TSHZ1: variants seen among roughly 807,000 people sequenced by gnomAD.
TSHZ1 encodes the protein teashirt homolog 1.
Under a neutral mutation model 67.1 loss-of-function variants are expected in TSHZ1, and 12 were observed. The ratio of observed to expected loss-of-function variants is 0.18; its 90% CI spans 0.11 to 0.29. The LOEUF (loss-of-function observed/expected upper bound fraction) is 0.29, where lower values mean the gene tolerates loss of function less well. TSHZ1 is among the 10% of genes least tolerant of loss of function. The pLI is 1.00. For missense variants in TSHZ1, 1,305 were observed against 1,413.9 expected (o/e 0.92, Z 1.23); for synonymous variants, 632 against 622.4 (o/e 1.02, Z -0.23).
Position 75,211,929 on chromosome 18 carries a change from C to T in TSHZ1, c.40+13C>T. On this transcript the variant is annotated intron_variant, in intron 1 of 1. Transcript: ENST00000580243. ...CGGCGCTCGGCAGGTAACGGGCGCG[C>T]GGCCCGCGCCGCGGGGAGTGGGCGC... 1 of 1,202,716 alleles carries T rather than the reference C, an allele frequency of 8.3e-7. No individual in the cohort carries two copies. The highest frequency in any genetic ancestry group is 1.0e-6 in the Non-Finnish European group (1 of 969,418). 74.5% of individuals were successfully genotyped at this position (1,202,716 alleles called of 1,614,324 possible).
At position 75,289,747 on chromosome 18, in the gene TSHZ1, C is replaced by A. The variant is rs1403869645; in HGVS notation, c.*1106C>A. On this transcript the variant is annotated 3_prime_UTR_variant, in exon 2 of 2. Coordinates refer to ENST00000580243, the MANE Select transcript of TSHZ1 (RefSeq NM_001308210.2). Reference sequence around the variant, plus strand: ...GATTTAAATAGAGGACTTTTACTGGCACCTGCATCTCTCCAGATGCATGTA... The same window carrying A: ...GATTTAAATAGAGGACTTTTACTGGAACCTGCATCTCTCCAGATGCATGTA... 1 of 167,052 alleles carries A rather than the reference C, an allele frequency of 6.0e-6. No homozygotes were observed. Among genetic ancestry groups the A allele is most frequent in the Non-Finnish European group, 1.5e-5 (1 of 68,116 alleles). 10.3% of individuals were successfully genotyped at this position (167,052 alleles called of 1,614,324 possible).
intron 1 of TSHZ1, among the ~76,000 whole-genome samples, chr18:75,217,509 T>C (rs868441945): frequency 2.6e-5 from 4 of 152,248 alleles, no homozygotes; most frequent in Admixed American, 1.3e-4. Context: ...GTAAAGACTG[T>C]ACTTTGGAGG....
chr18:75,279,598 G>T (rs1170535654), intron 1 of TSHZ1, among the ~76,000 whole-genome samples: 1 of 152,080 alleles, frequency 6.6e-6, no homozygotes, highest in East Asian at 1.9e-4. Context: ...CGGCCACTGT[G>T]GTTGGGGACC....
At chr18:75,248,299 T>C (rs1232227212) in intron 1 of TSHZ1, among the ~76,000 whole-genome samples, 1 of 152,234 alleles carries the variant, frequency 6.6e-6, no homozygotes, top group Non-Finnish European at 1.5e-5. Context: ...CTGTTTTTAC[T>C]GAAGACTTTT....
At chr18:75,269,776 T>G (rs1192332429) in intron 1 of TSHZ1, among the ~76,000 whole-genome samples, 2 of 152,118 alleles carry the variant, frequency 1.3e-5, no homozygotes, top group African/African-American at 4.8e-5. Flanking sequence ...CAAACTAAAC[T>G]GAAACTCGGT....
intron 1 of TSHZ1, among the ~76,000 whole-genome samples, chr18:75,219,478 A>AGG (rs1156995667): frequency 1.3e-5 from 2 of 152,238 alleles, no homozygotes; most frequent in Non-Finnish European, 2.9e-5. Flanking sequence ...TTTGTCCTTG[A>AGG]GATACACTAA....
chr18:75,232,854 A>G (rs923937837), intron 1 of TSHZ1, among the ~76,000 whole-genome samples: 4 of 152,244 alleles, frequency 2.6e-5, no homozygotes, highest in African/African-American at 9.6e-5. Context: ...TAAATGGATT[A>G]ATAGTCACAA....
intron 1 of TSHZ1, among the ~76,000 whole-genome samples, chr18:75,239,460 C>T (rs2023125561): frequency 6.6e-6 from 1 of 152,050 alleles, no homozygotes; most frequent in Non-Finnish European, 1.5e-5. Flanking sequence ...TGAAAACATC[C>T]ACCCTCTTGA....
At chr18:75,248,505 T>C (rs1352969248) in intron 1 of TSHZ1, among the ~76,000 whole-genome samples, 2 of 152,244 alleles carry the variant, frequency 1.3e-5, no homozygotes, top group Non-Finnish European at 2.9e-5. Context: ...TTATTTATCG[T>C]AAGATAGACT....
At chr18:75,252,990 A>G (rs1444441329) in intron 1 of TSHZ1, among the ~76,000 whole-genome samples, 1 of 152,224 alleles carries the variant, frequency 6.6e-6, no homozygotes, top group African/African-American at 2.4e-5. Context: ...ATGGTATTTA[A>G]TAAGTTAATT....
At chr18:75,244,869 C>T (rs1429533550) in intron 1 of TSHZ1, among the ~76,000 whole-genome samples, 2 of 152,202 alleles carry the variant, frequency 1.3e-5, no homozygotes, top group South Asian at 2.1e-4. Flanking sequence ...AAAACACGAC[C>T]GTTTGACCGA....
intron 1 of TSHZ1, among the ~76,000 whole-genome samples, chr18:75,223,556 C>G (rs1568352671): frequency 1.3e-5 from 2 of 151,790 alleles, no homozygotes; most frequent in Admixed American, 6.6e-5. Flanking sequence ...CCTGGCCTGT[C>G]TTCTCCAGGC....
Position 75,285,808 on chromosome 18 carries a change from T to C in TSHZ1, c.401T>C (p.Leu134Pro). Residue 134 changes from leucine (L) to proline (P), a missense_variant, in exon 2 of 2, where the codon CTG becomes CCG. Transcript: ENST00000580243. ...GAGTCCTGCTGGTCCAGCTTAGCTC[T>C]GGATTTAAAGAAGTCGGGTTCCACC... Reference protein sequence around the residue: ...FSESCWSSLALDLKKSGSTTS... With the variant: ...FSESCWSSLAPDLKKSGSTTS... 6.2e-7 allele frequency: 1 copy of C among 1,614,096 alleles called. No individual in the cohort carries two copies. Among genetic ancestry groups the C allele is most frequent in the Non-Finnish European group, 8.5e-7 (1 of 1,180,018 alleles).
At chr18:75,222,663 G>T (rs1301894039) in intron 1 of TSHZ1, among the ~76,000 whole-genome samples, 1 of 152,136 alleles carries the variant, frequency 6.6e-6, no homozygotes, top group East Asian at 1.9e-4. Flanking sequence ...TATGCAAAAT[G>T]AGATGCTAAC....
chr18:75,284,801 TC>T, intron 1 of TSHZ1: 1 of 152,432 alleles, frequency 6.6e-6, no homozygotes, highest in Middle Eastern at 3.4e-3. Flanking sequence ...TTTGGTGCCT[TC>T]CAGCTTTTGG....
chr18:75,259,067 T>C lies in TSHZ1; in HGVS notation c.41-26381T>C, dbSNP rs548728937. 8.0e-4 allele frequency among the ~76,000 whole-genome samples: 122 copies of C among 152,328 alleles called. 1 individual carries two copies. Among genetic ancestry groups the C allele is most frequent in the African/African-American group, 2.8e-3 (116 of 41,566 alleles). ...ACCAATAGGAGCCGCCTGTTTCTGTTTTCCTCACCTTTCTATGTGCCCACA... is the reference window on the plus strand; with the variant it reads ...ACCAATAGGAGCCGCCTGTTTCTGTCTTCCTCACCTTTCTATGTGCCCACA... On this transcript the variant is annotated intron_variant, in intron 1 of 1. Coordinates refer to ENST00000580243, the MANE Select transcript of TSHZ1 (RefSeq NM_001308210.2).
intron 1 of TSHZ1, among the ~76,000 whole-genome samples, chr18:75,222,833 TGTG>T (rs2022866375): frequency 6.6e-6 from 1 of 152,112 alleles, no homozygotes; most frequent in Non-Finnish European, 1.5e-5. Flanking sequence ...AGGATCTTGT[TGTG>T]GTGTTTGGCT....
In TSHZ1 at chr18:75,276,978, C is replaced by T. The variant is rs567096087; in HGVS notation, c.41-8470C>T. 2.0e-4 allele frequency among the ~76,000 whole-genome samples: 30 copies of T among 152,338 alleles called. 1 individual carries two copies. Among genetic ancestry groups the T allele is most frequent in the Admixed American group, 7.2e-4 (11 of 15,304 alleles). ...TGTCATTTGTGTCCACCACCTCCTC[C>T]GTCAGGCCTCCAAAGAGCTCTTCAC... On this transcript the variant is annotated intron_variant, in intron 1 of 1. Coordinates refer to ENST00000580243, the MANE Select transcript of TSHZ1 (RefSeq NM_001308210.2).
At chr18:75,280,136 A>C (rs1012532166) in intron 1 of TSHZ1, among the ~76,000 whole-genome samples, 1 of 152,188 alleles carries the variant, frequency 6.6e-6, no homozygotes, top group Admixed American at 6.5e-5. Flanking sequence ...ATACTTTCTC[A>C]TGTTTGAAGG....
Sources: allele counts gnomAD v4.1 joint callset (sites outside exome capture counted in the v4.1 genomes callset), GRCh38; gene constraint gnomAD v4.1.1; transcripts MANE v1.5; gene names NCBI Gene and HGNC (gene_info 2026-07-23, HGNC 2026-07-21).